CREB5: variants seen among roughly 807,000 people sequenced by gnomAD.
The protein encoded by CREB5 is cAMP responsive element binding protein 5, also known as cyclic AMP-responsive element-binding protein 5.
CREB5 carries 19 observed loss-of-function variants against 57.1 expected under a neutral mutation model. That is an observed-to-expected ratio of 0.33 (90% confidence interval 0.23 to 0.49). CREB5 has a LOEUF of 0.49. CREB5 is among the 20% of genes least tolerant of loss of function. CREB5 has a pLI of 0.99. For missense variants in CREB5, 579 were observed against 671.6 expected (o/e 0.86, Z 1.52); for synonymous variants, 238 against 238.3 (o/e 1.00, Z 0.01).
At chr7:28,784,748 G>GA (rs1484015816) in intron 7 of CREB5, among the ~76,000 whole-genome samples, 1 of 152,172 alleles carries the variant, frequency 6.6e-6, no homozygotes, top group Non-Finnish European at 1.5e-5. Context: ...TGTGGTTGAT[G>GA]AGCGAAACGA....
chr7:28,475,175 G>C (rs1791005366), intron 1 of CREB5, among the ~76,000 whole-genome samples: 1 of 149,096 alleles, frequency 6.7e-6, no homozygotes, highest in Admixed American at 6.7e-5. Context: ...AGGCTGAAAT[G>C]ACCAGATCAT....
rs574580228 is a variant in CREB5, at chr7:28,580,380, G to C, written c.464+9843G>C. On this transcript the variant is annotated intron_variant, in intron 5 of 10. Coordinates refer to ENST00000357727, the MANE Select transcript of CREB5 (RefSeq NM_182898.4). ...GAAAATGAGGGGTGTCTGTGTGTGT[G>C]GGGGGGGCATGTGGTGTCAACTGCT... 1.3e-4 allele frequency among the ~76,000 whole-genome samples: 17 copies of C among 127,500 alleles called. No individual in the cohort carries two copies. The East Asian group carries it at 4.0e-3, about 30-fold the overall frequency. 83.6% of individuals were successfully genotyped at this position (127,500 alleles called of 152,430 possible).
At chr7:28,514,987 A>G (rs1435979643) in intron 4 of CREB5, among the ~76,000 whole-genome samples, 1 of 152,200 alleles carries the variant, frequency 6.6e-6, no homozygotes, top group Non-Finnish European at 1.5e-5. Context: ...TGTGTTGGAA[A>G]TATTGCAGAG....
chr7:28,375,912 G>A (rs1021929896), intron 1 of CREB5, among the ~76,000 whole-genome samples: 2 of 152,198 alleles, frequency 1.3e-5, no homozygotes, highest in African/African-American at 2.4e-5. Flanking sequence ...CCATTTTACA[G>A]ATGGGAAAAC....
At chr7:28,475,161 C>T (rs1175884189) in intron 1 of CREB5, among the ~76,000 whole-genome samples, 1 of 150,488 alleles carries the variant, frequency 6.6e-6, no homozygotes, top group Non-Finnish European at 1.5e-5. Flanking sequence ...TCCATTTTCT[C>T]AAGAGGCTGA....
At chr7:28,793,512 G>A (rs536155030) in intron 7 of CREB5, among the ~76,000 whole-genome samples, 7 of 152,238 alleles carry the variant, frequency 4.6e-5, no homozygotes, top group Non-Finnish European at 1.0e-4. Flanking sequence ...GGGTAGACAT[G>A]TGTTGGGAGA....
chr7:28,591,450 A>T (rs1216972553), intron 5 of CREB5, among the ~76,000 whole-genome samples: 1 of 152,110 alleles, frequency 6.6e-6, no homozygotes. Flanking sequence ...AATACTCAGA[A>T]AACCTTTGTA....
In CREB5 at chr7:28,804,648, G is replaced by T. The variant is rs528277034; in HGVS notation, c.1026+126G>T. ...AGGTGTTCTATCTCACATTCTAGGG[G>T]CTCTGTTTATCTCCTAGGAGGCAAG... On this transcript the variant is annotated intron_variant, in intron 8 of 10. Coordinates refer to ENST00000357727, the MANE Select transcript of CREB5 (RefSeq NM_182898.4). 6.4e-5 allele frequency: 78 copies of T among 1,212,866 alleles called. 1 individual carries two copies. The Admixed American group carries it at 1.5e-3, about 23-fold the overall frequency. 75.1% of individuals were successfully genotyped at this position (1,212,866 alleles called of 1,614,324 possible).
At chr7:28,801,234 G>T (rs1208646900) in intron 7 of CREB5, among the ~76,000 whole-genome samples, 1 of 152,164 alleles carries the variant, frequency 6.6e-6, no homozygotes, top group Non-Finnish European at 1.5e-5. Flanking sequence ...GGGGTTTAGG[G>T]GAGAAGGCTA....
intron 5 of CREB5, among the ~76,000 whole-genome samples, chr7:28,709,346 A>C (rs1273228077): frequency 6.6e-6 from 1 of 152,178 alleles, no homozygotes; most frequent in African/African-American, 2.4e-5. Flanking sequence ...TTTTTCTGAC[A>C]ATAGTACATT....
At chr7:28,542,673 G>A (rs1348525666) in intron 4 of CREB5, among the ~76,000 whole-genome samples, 1 of 152,062 alleles carries the variant, frequency 6.6e-6, no homozygotes, top group African/African-American at 2.4e-5. Context: ...TTTAACTGCT[G>A]TTAAGATAAG....
intron 1 of CREB5, among the ~76,000 whole-genome samples, chr7:28,324,379 C>A (rs1785544048): frequency 6.6e-6 from 1 of 152,152 alleles, no homozygotes; most frequent in East Asian, 1.9e-4. Context: ...CCTCCTGAAG[C>A]TGCTCATGTC....
At chr7:28,624,140 A>G (rs1426982924) in intron 5 of CREB5, among the ~76,000 whole-genome samples, 1 of 152,220 alleles carries the variant, frequency 6.6e-6, no homozygotes, top group Non-Finnish European at 1.5e-5. Context: ...AAATACACAG[A>G]CCAATAAGTA....
intron 4 of CREB5, among the ~76,000 whole-genome samples, chr7:28,519,136 C>T (rs958736127): frequency 7.2e-5 from 11 of 152,136 alleles, no homozygotes; most frequent in South Asian, 2.1e-4. Flanking sequence ...ACAATTACAC[C>T]GTTGTGACAT....
At chr7:28,815,226 T>C (rs1809357429) in intron 9 of CREB5, among the ~76,000 whole-genome samples, 1 of 152,210 alleles carries the variant, frequency 6.6e-6, no homozygotes, top group Non-Finnish European at 1.5e-5. Flanking sequence ...TGAACTATGA[T>C]GGTGCCACTG....
intron 1 of CREB5, among the ~76,000 whole-genome samples, chr7:28,476,533 T>C (rs1401466349): frequency 8.3e-6 from 1 of 120,360 alleles, no homozygotes; most frequent in Non-Finnish European, 1.8e-5. Context: ...TAGGAGAAAA[T>C]TAATATTCAG....
intron 5 of CREB5, among the ~76,000 whole-genome samples, chr7:28,687,721 A>G (rs559575235): frequency 2.0e-5 from 3 of 152,120 alleles, no homozygotes; most frequent in Non-Finnish European, 4.4e-5. Context: ...TGTTTTGGAT[A>G]TCATTCATTA....
intron 5 of CREB5, among the ~76,000 whole-genome samples, chr7:28,646,099 G>A (rs1798877289): frequency 6.6e-6 from 1 of 152,210 alleles, no homozygotes; most frequent in African/African-American, 2.4e-5. Flanking sequence ...CTTGCAGACA[G>A]TAGATCATAG....
chr7:28,389,651 A>C (rs1489479350), intron 1 of CREB5, among the ~76,000 whole-genome samples: 1 of 149,590 alleles, frequency 6.7e-6, no homozygotes, highest in Non-Finnish European at 1.5e-5. Context: ...TTTTTTTTAA[A>C]GGGTTCATAA....
Sources: allele counts gnomAD v4.1 joint callset (sites outside exome capture counted in the v4.1 genomes callset), GRCh38; gene constraint gnomAD v4.1.1; transcripts MANE v1.5; gene names NCBI Gene and HGNC (gene_info 2026-07-23, HGNC 2026-07-21).